The following PPP4R2 variants were observed in gnomAD, a reference collection of about 807,000 sequenced individuals.
PPP4R2 encodes serine/threonine-protein phosphatase 4 regulatory subunit 2.
A neutral mutation model predicts 47.2 loss-of-function variants in PPP4R2; 13 were observed. That is an observed-to-expected ratio of 0.28 (90% CI 0.18 to 0.44). The LOEUF (loss-of-function observed/expected upper bound fraction) is 0.44. PPP4R2 is among the 20% of genes least tolerant of loss of function. The probability of loss-of-function intolerance (pLI) is 1.00; values close to 1 mark genes in which losing one functional copy is unlikely to be tolerated. For missense variants in PPP4R2, 421 were observed against 491.2 expected, an observed-to-expected ratio of 0.86 and a Z score of 1.35; for synonymous variants, 151 against 163.3, an observed-to-expected ratio of 0.92 and a Z score of 0.57.
At chr3:73,058,520 AAG>A (rs768102738) in intron 3 of PPP4R2, among the ~76,000 whole-genome samples, 293 of 151,970 alleles carry the variant, frequency 1.9e-3, no homozygotes, top group Middle Eastern at 0.01. Flanking sequence ...TTTTTTAAAA[AAG>A]AATTTCTGTT....
intron 2 of PPP4R2, among the ~76,000 whole-genome samples, chr3:73,034,942 A>C (rs1702235717): frequency 6.6e-6 from 1 of 152,184 alleles, no homozygotes. Flanking sequence ...AAAACAGATG[A>C]ATGGGATTAC....
intron 2 of PPP4R2, chr3:73,027,882 C>T (rs975222776): frequency 1.3e-5 from 2 of 151,368 alleles, no homozygotes; most frequent in Non-Finnish European, 2.9e-5. Context: ...CCCCACCGCT[C>T]CCCTCAAACT....
intron 2 of PPP4R2, among the ~76,000 whole-genome samples, chr3:73,013,701 C>T (rs1376596102): frequency 2.0e-5 from 3 of 151,618 alleles, no homozygotes; most frequent in Non-Finnish European, 4.4e-5. Context: ...TGCAGTGGCA[C>T]AACCTCAGCT....
chr3:73,003,919 C>T (rs1043655881), intron 2 of PPP4R2, among the ~76,000 whole-genome samples: 6 of 152,130 alleles, frequency 3.9e-5, no homozygotes, highest in Non-Finnish European at 8.8e-5. Flanking sequence ...GGGCTGGTCT[C>T]GAACTCCTGA....
chr3:73,003,733 C>G (rs1189843939), intron 2 of PPP4R2, among the ~76,000 whole-genome samples: 1 of 151,680 alleles, frequency 6.6e-6, no homozygotes, highest in Non-Finnish European at 1.5e-5. Flanking sequence ...GAGTCTTGCT[C>G]TGTTGCCCAG....
chr3:73,006,103 A>G (rs1701604118), intron 2 of PPP4R2, among the ~76,000 whole-genome samples: 1 of 151,964 alleles, frequency 6.6e-6, no homozygotes, highest in African/African-American at 2.4e-5. Flanking sequence ...ATGGAACCAT[A>G]CAGTATGTAT....
chr3:73,025,478 G>A (rs1020914863), intron 2 of PPP4R2, among the ~76,000 whole-genome samples: 16 of 152,068 alleles, frequency 1.1e-4, no homozygotes, highest in African/African-American at 3.6e-4. Context: ...ATCTTTATAA[G>A]GAAAAAAAGA....
At chr3:72,998,511 C>T (rs1338017096) in intron 2 of PPP4R2, among the ~76,000 whole-genome samples, 1 of 151,836 alleles carries the variant, frequency 6.6e-6, no homozygotes, top group Non-Finnish European at 1.5e-5. Flanking sequence ...AATTTTGTGG[C>T]TTTGATTCTG....
chr3:73,038,304 C>T (rs1277246819), intron 2 of PPP4R2, among the ~76,000 whole-genome samples: 1 of 152,158 alleles, frequency 6.6e-6, no homozygotes, highest in Non-Finnish European at 1.5e-5. Flanking sequence ...ATCTTTGGTA[C>T]AGCACTGACA....
chr3:73,001,279 C>G (rs1701451428), intron 2 of PPP4R2, among the ~76,000 whole-genome samples: 1 of 151,950 alleles, frequency 6.6e-6, no homozygotes. Context: ...ATTTACTGGC[C>G]AGGTGCAGTG....
intron 5 of PPP4R2, chr3:73,061,590 C>T (rs1290957140): frequency 6.1e-6 from 1 of 163,938 alleles, no homozygotes; most frequent in African/African-American, 2.4e-5. Flanking sequence ...TTGACCTCTA[C>T]CCACTTATGC....
chr3:73,017,461 A>G (rs565846016), intron 2 of PPP4R2, among the ~76,000 whole-genome samples: 17 of 152,200 alleles, frequency 1.1e-4, no homozygotes, highest in Non-Finnish European at 2.1e-4. Flanking sequence ...CCCACCCCCA[A>G]TTAGCACCCA....
intron 2 of PPP4R2, 104 bp downstream of exon 2, chr3:72,998,262 A>G: frequency 2.8e-6 from 2 of 707,220 alleles, no homozygotes; most frequent in Admixed American, 3.1e-5. Context: ...AATTCATTCT[A>G]AATTGTAGAA....
At chr3:73,055,835 G>GA (rs947490639) in intron 3 of PPP4R2, among the ~76,000 whole-genome samples, 1 of 152,012 alleles carries the variant, frequency 6.6e-6, no homozygotes, top group African/African-American at 2.4e-5. Flanking sequence ...TTGAACTCCT[G>GA]ACCTCAGGGG....
intron 2 of PPP4R2, among the ~76,000 whole-genome samples, chr3:73,003,358 C>T (rs1199319932): frequency 2.6e-5 from 4 of 151,840 alleles, no homozygotes; most frequent in East Asian, 1.9e-4. Context: ...GTTACTGGCA[C>T]GTGCCACCAT....
intron 1 of PPP4R2, chr3:72,997,312 C>T (rs2107186185): frequency 1.3e-5 from 5 of 394,794 alleles, no homozygotes; most frequent in Non-Finnish European, 2.3e-5. Context: ...CGGGGAAACT[C>T]TTGCGGGGGC....
At chr3:73,032,935 CCTT>C (rs1447424148) in intron 2 of PPP4R2, among the ~76,000 whole-genome samples, 2 of 152,048 alleles carry the variant, frequency 1.3e-5, no homozygotes, top group African/African-American at 2.4e-5. Context: ...TCTTGTTGAG[CCTT>C]CTTAACTGCT....
chr3:73,029,818 A>G (rs142595665), intron 2 of PPP4R2, among the ~76,000 whole-genome samples: 51 of 152,370 alleles, frequency 3.3e-4, no homozygotes, highest in African/African-American at 1.2e-3. Flanking sequence ...GAAAATGAAC[A>G]AGAAAGATAA....
chr3:73,004,849 GTGTGTGTGTGTGTGTGTGTGTTTGTT>G (rs1235280425), intron 2 of PPP4R2, among the ~76,000 whole-genome samples: 1 of 88,688 alleles, frequency 1.1e-5, no homozygotes, highest in Non-Finnish European at 2.1e-5. Context: ...TGTGGGGTGT[GTGTGTGTGTGTGTGTGTGTGTTTGTT>G]TGTTTGTTTG....
Sources: gnomAD v4.1 joint callset for allele counts (sites outside exome capture counted in the v4.1 genomes callset) on GRCh38, gnomAD v4.1.1 for gene constraint, MANE v1.5 for transcripts, NCBI Gene and HGNC (gene_info 2026-07-23, HGNC 2026-07-21) for gene names.